The following USP16 variants were observed in gnomAD, a reference collection of about 807,000 sequenced individuals.
USP16 encodes ubiquitin specific peptidase 16.
USP16 carries 77 observed loss-of-function variants against 95.9 expected under a neutral mutation model. The ratio of observed to expected loss-of-function variants is 0.80; its 90% CI spans 0.67 to 0.97. The LOEUF (loss-of-function observed/expected upper bound fraction) is 0.97. Ranked by LOEUF, USP16 falls within the 50% of genes least tolerant of loss-of-function variation. The probability of loss-of-function intolerance (pLI) is 0.00; values close to 1 mark genes in which losing one functional copy is unlikely to be tolerated. For missense variants in USP16, 943 were observed against 959.9 expected (o/e 0.98, Z 0.23); for synonymous variants, 303 against 318.2 (o/e 0.95, Z 0.51).
At position 29,046,673 on chromosome 21, in the gene USP16, C is replaced by T. The variant is rs200981777; in HGVS notation, c.1363C>T (p.Arg455Ter). ...CCGTATACTTTTTACCCAGAACCAA[C>T]GAAGACAACAAAAAATTCAAGGAAA... ...KQAKKQAKNQ[R>*]RQQKIQGKVL... Residue 455 changes from arginine to a stop codon, truncating the protein, a stop_gained, in exon 14 of 18, where the codon CGA becomes TGA. Coordinates refer to ENST00000399976, the MANE Select transcript of USP16 (RefSeq NM_006447.3). LOFTEE classifies it high-confidence loss of function. The T allele has an allele frequency of 4.1e-5, 66 of 1,602,016 alleles. No individual in the cohort carries two copies. The highest frequency in any genetic ancestry group is 5.3e-5 in the Non-Finnish European group (62 of 1,175,326).
chr21:29,039,988 T>A (rs918826209), intron 9 of USP16, among the ~76,000 whole-genome samples: 1 of 152,238 alleles, frequency 6.6e-6, no homozygotes, highest in Non-Finnish European at 1.5e-5. Flanking sequence ...GGTTGCATTT[T>A]AAAATTTTTG....
intron 11 of USP16, 67 bp from the exon 12 acceptor site, chr21:29,042,405 G>C: frequency 6.7e-7 from 1 of 1,491,772 alleles, no homozygotes; most frequent in Non-Finnish European, 9.2e-7. Flanking sequence ...CCACAGGGCA[G>C]GGAGGATCTT....
At chr21:29,044,233 C>T (rs1346898750) in intron 13 of USP16, among the ~76,000 whole-genome samples, 2 of 151,702 alleles carry the variant, frequency 1.3e-5, no homozygotes, top group African/African-American at 2.4e-5. Context: ...CGCGCCCGGC[C>T]GACCACCACT....
chr21:29,038,948 T>C, intron 7 of USP16, 78 bp from the exon 8 acceptor site: 2 of 1,359,756 alleles, frequency 1.5e-6, no homozygotes, highest in African/African-American at 1.5e-5. Context: ...TGGTAGTATA[T>C]GTTAACTAAT....
rs985079036 is a variant in USP16, at chr21:29,024,684, C to T, written c.-135C>T. On this transcript the variant is annotated 5_prime_UTR_variant, in exon 1 of 18. Transcript: ENST00000399976. ...CCAGGGGTCACTCTGGCTTCGACTC[C>T]GTCGCTCTCAATTCGTCACCAGGAG... is the stretch of plus-strand genomic sequence containing the variant. 13 of 1,287,150 alleles carry T rather than the reference C, an allele frequency of 1.0e-5. No homozygotes were observed. The highest frequency in any genetic ancestry group is 8.6e-5 in the South Asian group (7 of 81,008). 79.7% of individuals were successfully genotyped at this position (1,287,150 alleles called of 1,614,324 possible).
At chr21:29,052,320 A>G (rs1218197409) in intron 16 of USP16, 1 of 152,334 alleles carries the variant, frequency 6.6e-6, no homozygotes, top group Non-Finnish European at 1.5e-5. Context: ...AGACTGGGCA[A>G]TTTACAAAAG....
intron 14 of USP16, 59 bp downstream of exon 14, chr21:29,047,380 A>C: frequency 6.6e-7 from 1 of 1,514,012 alleles, no homozygotes; most frequent in South Asian, 1.3e-5. Context: ...TTTGCACTGC[A>C]TAGGTAGAGT....
At chr21:29,051,685 G>T (rs2085416488) in intron 16 of USP16, among the ~76,000 whole-genome samples, 1 of 152,112 alleles carries the variant, frequency 6.6e-6, no homozygotes, top group South Asian at 2.1e-4. Context: ...ACAAAAATTA[G>T]CCAGGCATGG....
rs1443562345 is a variant in USP16 at position 29,042,453 on chromosome 21, T to C, written c.1123-19T>C. On this transcript the variant is annotated intron_variant, in intron 11 of 17. Transcript: ENST00000399976. ...TTACAGTATTTACATTTTTACACTG[T>C]CTTTTCTGATTGGTTAAGGTCTCCT... 4 of 1,600,436 alleles carry C rather than the reference T, an allele frequency of 2.5e-6. No individual in the cohort carries two copies. The East Asian group carries it at 9.0e-5, about 36-fold the overall frequency.
chr21:29,028,104 G>T, intron 2 of USP16, 130 bp downstream of exon 2: 8 of 665,164 alleles, frequency 1.2e-5, no homozygotes, highest in South Asian at 4.0e-5. Context: ...GTATCTATAT[G>T]TCATTTAATA....
chr21:29,028,119 T>G, intron 2 of USP16, 145 bp downstream of exon 2: 1 of 633,692 alleles, frequency 1.6e-6, no homozygotes, highest in Non-Finnish European at 2.5e-6. Context: ...TTAATAGTCT[T>G]CTACTTTTTT....
At chr21:29,025,729 A>G in intron 1 of USP16, 1 of 984,760 alleles carries the variant, frequency 1.0e-6, no homozygotes, top group Non-Finnish European at 1.2e-6. Flanking sequence ...CTTCATTCTT[A>G]TGTACCTACC....
In USP16 at chr21:29,040,663, G is replaced by A. The variant is rs2085230080; in HGVS notation, c.1006G>A (p.Glu336Lys). Residue 336 changes from glutamate to lysine, a missense_variant, in exon 10 of 18, where the codon GAA becomes AAA. Transcript: ENST00000399976. ...TGGTAATTCTACTGAAAAGTTGGAT[G>A]AAGAACTAAAAAATAAAGTTAAAGG... ...AFGNSTEKLD[E>K]ELKNKVKDYE... The A allele has an allele frequency of 1.3e-6, 2 of 1,545,414 alleles. No homozygotes were observed. The highest frequency in any genetic ancestry group is 2.3e-5 in the East Asian group (1 of 43,222).
intron 16 of USP16, among the ~76,000 whole-genome samples, chr21:29,050,895 T>C (rs1404629795): frequency 6.6e-6 from 1 of 152,184 alleles, no homozygotes; most frequent in Non-Finnish European, 1.5e-5. Context: ...TACTTGTTGA[T>C]GTATGAAGGC....
At chr21:29,048,736 G>T (rs1019285068) in intron 14 of USP16, 25 bp from the exon 15 acceptor site, 7 of 1,585,740 alleles carry the variant, frequency 4.4e-6, no homozygotes, top group Non-Finnish European at 6.0e-6. Flanking sequence ...TTTTCTCCCT[G>T]TTAAAAATTT....
chr21:29,045,065 T>A (rs528709528), intron 13 of USP16, among the ~76,000 whole-genome samples: 1 of 152,326 alleles, frequency 6.6e-6, no homozygotes, highest in African/African-American at 2.4e-5. Flanking sequence ...CTCAGTGCAG[T>A]TTTATTTTAC....
At chr21:29,026,658 A>T (rs2084996124) in intron 1 of USP16, 1 of 145,832 alleles carries the variant, frequency 6.9e-6, no homozygotes, top group Non-Finnish European at 1.5e-5. Flanking sequence ...TTGGGATTAC[A>T]GGCGTGAGCC....
At chr21:29,050,276 CACTT>C in intron 16 of USP16, 98 bp downstream of exon 16, 1 of 1,006,462 alleles carries the variant, frequency 9.9e-7, no homozygotes. Context: ...AAGTTGATAA[CACTT>C]ATTGAGTAGA....
intron 12 of USP16, chr21:29,042,774 C>T (rs112054330): frequency 6.1e-5 from 23 of 376,262 alleles, no homozygotes; most frequent in African/African-American, 4.9e-4. Flanking sequence ...GGTTTCCATA[C>T]AGTGAAGTAT....
Sources: gnomAD v4.1 joint callset for allele counts (sites outside exome capture counted in the v4.1 genomes callset) on GRCh38, gnomAD v4.1.1 for gene constraint, MANE v1.5 for transcripts, NCBI Gene and HGNC (gene_info 2026-07-23, HGNC 2026-07-21) for gene names.